The following NKAIN3 variants were observed in gnomAD, a reference collection of about 807,000 sequenced individuals.
NKAIN3 encodes the protein sodium/potassium transporting ATPase interacting 3.
In NKAIN3, 25 loss-of-function variants were observed where a neutral mutation model predicts 30.2. That is an observed-to-expected ratio of 0.83 (90% CI 0.60 to 1.16). The LOEUF is 1.16. Among genes scored for constraint, NKAIN3 ranks in the 50% most tolerant of loss-of-function variants. The pLI is 0.00. For missense variants in NKAIN3, 225 were observed against 254.1 expected, an observed-to-expected ratio of 0.89 and a Z score of 0.78; for synonymous variants, 91 against 89.6, an observed-to-expected ratio of 1.02 and a Z score of -0.09.
intron 1 of NKAIN3, among the ~76,000 whole-genome samples, chr8:62,305,478 A>G (rs1346080869): frequency 6.6e-6 from 1 of 150,680 alleles, no homozygotes. Context: ...CACATGGACC[A>G]ATATACTTCA....
At chr8:62,320,270 G>T (rs1334884392) in intron 1 of NKAIN3, among the ~76,000 whole-genome samples, 1 of 151,944 alleles carries the variant, frequency 6.6e-6, no homozygotes. Context: ...CACTGATGGG[G>T]CCTGACTCTT....
At chr8:62,643,829 T>C (rs1309048575) in intron 3 of NKAIN3, among the ~76,000 whole-genome samples, 1 of 152,126 alleles carries the variant, frequency 6.6e-6, no homozygotes, top group Non-Finnish European at 1.5e-5. Flanking sequence ...TTGTTTTTTA[T>C]ATATAAGTTG....
rs771731496 is a variant in NKAIN3 at position 62,336,625 on chromosome 8, C to T, written c.54+87498C>T. 1.8e-4 allele frequency among the ~76,000 whole-genome samples: 27 copies of T among 152,008 alleles called. 1 individual carries two copies. The highest frequency in any genetic ancestry group is 3.4e-3 in the Middle Eastern group (1 of 294). The stretch of plus-strand genomic sequence containing the variant: ...ACAGGTTTTGTACAGCAACACCACA[C>T]CCCCAGGTAATGGATTTTGTCCCGG... On this transcript the variant is annotated intron_variant, in intron 1 of 6. Coordinates refer to ENST00000623646, the MANE Select transcript of NKAIN3 (RefSeq NM_001304533.3).
intron 4 of NKAIN3, among the ~76,000 whole-genome samples, chr8:62,882,626 T>C (rs1447460101): frequency 1.3e-5 from 2 of 152,188 alleles, no homozygotes. Flanking sequence ...CCTGGTGTTG[T>C]ATTTAAAAAG....
chr8:62,290,243 T>C (rs955952041), intron 1 of NKAIN3, among the ~76,000 whole-genome samples: 1 of 152,174 alleles, frequency 6.6e-6, no homozygotes, highest in Non-Finnish European at 1.5e-5. Context: ...TTTCTTTCTC[T>C]TGCCTGATTT....
chr8:62,541,781 G>T (rs1585924975), intron 1 of NKAIN3, among the ~76,000 whole-genome samples: 1 of 151,882 alleles, frequency 6.6e-6, no homozygotes, highest in Non-Finnish European at 1.5e-5. Context: ...CTTTATAAAG[G>T]TAATCTCTTA....
chr8:62,948,920 G>A (rs2130891739), intron 5 of NKAIN3, among the ~76,000 whole-genome samples: 1 of 152,244 alleles, frequency 6.6e-6, no homozygotes, highest in East Asian at 1.9e-4. Context: ...AAACGTACAG[G>A]AAAATAGACT....
intron 4 of NKAIN3, among the ~76,000 whole-genome samples, chr8:62,773,209 A>C (rs1346874070): frequency 6.6e-6 from 1 of 152,040 alleles, no homozygotes; most frequent in East Asian, 1.9e-4. Context: ...TGAGTTTTTT[A>C]ATTCACTTTG....
At chr8:62,479,439 G>C (rs1482671138) in intron 1 of NKAIN3, among the ~76,000 whole-genome samples, 3 of 152,084 alleles carry the variant, frequency 2.0e-5, no homozygotes, top group Non-Finnish European at 4.4e-5. Flanking sequence ...GCCTGAATTT[G>C]AACCCAGATC....
intron 5 of NKAIN3, among the ~76,000 whole-genome samples, chr8:62,948,844 G>A (rs16929914): frequency 1.2e-3 from 190 of 152,228 alleles, no homozygotes; most frequent in African/African-American, 4.4e-3. Context: ...GTTAATTCAC[G>A]TCTTCGTGCC....
At chr8:62,997,004 G>A (rs111391277) in intron 5 of NKAIN3, among the ~76,000 whole-genome samples, 1 of 152,156 alleles carries the variant, frequency 6.6e-6, no homozygotes, top group African/African-American at 2.4e-5. Flanking sequence ...CTGGAGGATG[G>A]TGGCCCTCTT....
intron 1 of NKAIN3, among the ~76,000 whole-genome samples, chr8:62,537,475 G>T (rs569208866): frequency 2.0e-4 from 30 of 152,216 alleles, no homozygotes; most frequent in Admixed American, 6.6e-4. Context: ...CTGCTGCAAG[G>T]TGCCCAGAAA....
intron 1 of NKAIN3, among the ~76,000 whole-genome samples, chr8:62,321,050 C>G (rs182253319): frequency 6.6e-6 from 1 of 152,160 alleles, no homozygotes; most frequent in Non-Finnish European, 1.5e-5. Context: ...TCTTTTTTCT[C>G]TAAATTTCTC....
chr8:62,979,609 A>G lies in NKAIN3; in HGVS notation c.*14202A>G, dbSNP rs914986292. On this transcript the variant is annotated 3_prime_UTR_variant, in exon 7 of 7. Coordinates refer to ENST00000623646, the MANE Select transcript of NKAIN3 (RefSeq NM_001304533.3). ...CATTTTCTCTATACAGTACAGTTTTAGCATTGAAAAGGACCTCAGCAATTC... is the reference window on the plus strand; with the variant it reads ...CATTTTCTCTATACAGTACAGTTTTGGCATTGAAAAGGACCTCAGCAATTC... 2 of 152,246 alleles carry G rather than the reference A, an allele frequency of 1.3e-5. No individual in the cohort carries two copies. The highest frequency in any genetic ancestry group is 4.8e-5 in the African/African-American group (2 of 41,466). 9.4% of individuals were successfully genotyped at this position (152,246 alleles called of 1,614,324 possible).
At chr8:62,838,588 C>T (rs1286031411) in intron 4 of NKAIN3, among the ~76,000 whole-genome samples, 1 of 151,962 alleles carries the variant, frequency 6.6e-6, no homozygotes, top group African/African-American at 2.4e-5. Context: ...GAAAATTCAT[C>T]TTGCAGATCA....
chr8:62,749,865 G>A (rs1816219960), intron 4 of NKAIN3, among the ~76,000 whole-genome samples: 1 of 151,326 alleles, frequency 6.6e-6, no homozygotes, highest in Non-Finnish European at 1.5e-5. Context: ...TGTATTTTCA[G>A]TAAAGACGGA....
chr8:62,312,105 T>G (rs570557144), intron 1 of NKAIN3, among the ~76,000 whole-genome samples: 12 of 150,644 alleles, frequency 8.0e-5, no homozygotes, highest in Admixed American at 7.2e-4. Context: ...ATGGGGGAAG[T>G]AAAATGTCAA....
intron 4 of NKAIN3, among the ~76,000 whole-genome samples, chr8:62,899,482 G>A (rs533792445): frequency 6.6e-6 from 1 of 152,194 alleles, no homozygotes; most frequent in African/African-American, 2.4e-5. Context: ...AGTGAAATAA[G>A]CCAGGCACAG....
At chr8:62,589,575 G>C in intron 2 of NKAIN3, 139 bp from the exon 3 acceptor site, 1 of 483,046 alleles carries the variant, frequency 2.1e-6, no homozygotes, top group Non-Finnish European at 3.7e-6. Flanking sequence ...ACCACATAGA[G>C]AGCACTCTTT....
Sources: gnomAD v4.1 joint callset for allele counts (sites outside exome capture counted in the v4.1 genomes callset) on GRCh38, gnomAD v4.1.1 for gene constraint, MANE v1.5 for transcripts, NCBI Gene and HGNC (gene_info 2026-07-23, HGNC 2026-07-21) for gene names.